The following GRHL2 variants were observed in gnomAD, a reference collection of about 807,000 sequenced individuals.
GRHL2 encodes the protein grainyhead like transcription factor 2.
In GRHL2, 21 loss-of-function variants were observed where a neutral mutation model predicts 83.8. That is an observed-to-expected ratio of 0.25 (90% CI 0.18 to 0.36). The LOEUF (loss-of-function observed/expected upper bound fraction) is 0.36. GRHL2 is among the 10% of genes least tolerant of loss of function. The pLI, the probability that GRHL2 is intolerant of heterozygous loss-of-function variation, is 1.00. For missense variants in GRHL2, 623 were observed against 781.8 expected (o/e 0.80, Z 2.42); for synonymous variants, 280 against 278.9 (o/e 1.00, Z -0.04).
intron 7 of GRHL2, among the ~76,000 whole-genome samples, chr8:101,588,142 G>A (rs1812205801): frequency 6.6e-6 from 1 of 152,172 alleles, no homozygotes; most frequent in Non-Finnish European, 1.5e-5. Context: ...TCTCGTCATT[G>A]TTTAACAATC....
At chr8:101,584,591 T>A (rs76606044) in intron 7 of GRHL2, among the ~76,000 whole-genome samples, 2,021 of 151,436 alleles carry the variant, frequency 0.013, 22 homozygotes, top group Non-Finnish European at 0.021. Flanking sequence ...TTTAAACTGT[T>A]AAAAAAAAAG....
At chr8:101,540,219 A>G (rs1232701368) in intron 1 of GRHL2, among the ~76,000 whole-genome samples, 1 of 152,180 alleles carries the variant, frequency 6.6e-6, no homozygotes, top group Non-Finnish European at 1.5e-5. Context: ...CTATTTTATC[A>G]ATTATTTTAT....
At chr8:101,677,203 A>AAAT in the GRHL2 span, among the ~76,000 whole-genome samples, 1,994 of 148,392 alleles carry the variant, frequency 0.013, 46 homozygotes, top group African/African-American at 0.043. Context: ...CCTAAAACTT[A>AAAT]AATAATAACA....
intron 15 of GRHL2, among the ~76,000 whole-genome samples, chr8:101,664,950 C>CA (rs886506402): frequency 4.6e-5 from 7 of 152,054 alleles, no homozygotes; most frequent in African/African-American, 1.7e-4. Flanking sequence ...AAAATGTTCT[C>CA]AAATGATCAT....
intron 9 of GRHL2, among the ~76,000 whole-genome samples, chr8:101,629,829 T>G (rs537476163): frequency 6.6e-6 from 1 of 152,218 alleles, no homozygotes; most frequent in South Asian, 2.1e-4. Context: ...AACACTTCAT[T>G]TTTTGAAAAT....
intron 14 of GRHL2, among the ~76,000 whole-genome samples, chr8:101,652,319 CGT>C (rs911880771): frequency 3.7e-5 from 4 of 108,092 alleles, no homozygotes; most frequent in South Asian, 3.2e-4. Context: ...AGTGTGTGTG[CGT>C]GTGTGTGTGG....
chr8:101,607,493 G>A (rs1812655338), intron 8 of GRHL2, among the ~76,000 whole-genome samples: 1 of 152,180 alleles, frequency 6.6e-6, no homozygotes, highest in Admixed American at 6.5e-5. Flanking sequence ...AGGATGATAT[G>A]GGGTTGATAG....
At chr8:101,661,601 C>A (rs1195650491) in intron 14 of GRHL2, among the ~76,000 whole-genome samples, 1 of 151,994 alleles carries the variant, frequency 6.6e-6, no homozygotes, top group Non-Finnish European at 1.5e-5. Flanking sequence ...TACTTTTTGC[C>A]ATTGTACTTT....
At chr8:101,666,121 A>G (rs1814049921) in intron 15 of GRHL2, among the ~76,000 whole-genome samples, 1 of 152,204 alleles carries the variant, frequency 6.6e-6, no homozygotes, top group Non-Finnish European at 1.5e-5. Flanking sequence ...ACTAAACACA[A>G]GGTCATATTA....
At chr8:101,559,226 C>A (rs1390880041) in intron 4 of GRHL2, among the ~76,000 whole-genome samples, 2 of 151,752 alleles carry the variant, frequency 1.3e-5, no homozygotes, top group Non-Finnish European at 2.9e-5. Context: ...AACAATATAA[C>A]TTTGGCTGGA....
intron 2 of GRHL2, among the ~76,000 whole-genome samples, chr8:101,546,575 A>G (rs1382310833): frequency 6.6e-6 from 1 of 151,984 alleles, no homozygotes; most frequent in East Asian, 1.9e-4. Flanking sequence ...CAACCGGCTA[A>G]TTTTTGTATA....
rs932643443 is a variant in GRHL2, at chr8:101,644,078, G to A, written c.1518-53G>A. On this transcript the variant is annotated intron_variant, in intron 12 of 15. Transcript: ENST00000646743. Reference sequence around the variant, plus strand: ...CAGAAACGGACACACATGTGAACGTGTGTTTTGACACCTTGCTGGTTTTAC... The same window carrying A: ...CAGAAACGGACACACATGTGAACGTATGTTTTGACACCTTGCTGGTTTTAC... 9 of 1,471,350 alleles carry A rather than the reference G, an allele frequency of 6.1e-6. No homozygotes were observed. In the African/African-American group the frequency reaches 1.1e-4, roughly 18 times the overall value. 91.1% of individuals were successfully genotyped at this position (1,471,350 alleles called of 1,614,324 possible). A position where few individuals can be genotyped will look rare whatever the true frequency, so the allele number is the denominator to read the frequency against.
intron 8 of GRHL2, among the ~76,000 whole-genome samples, chr8:101,617,493 A>T (rs865952138): frequency 6.6e-6 from 1 of 152,188 alleles, no homozygotes; most frequent in Non-Finnish European, 1.5e-5. Context: ...TCAAAAATTC[A>T]AAAGGCTTTT....
intron 1 of GRHL2, among the ~76,000 whole-genome samples, chr8:101,532,308 C>A (rs1249866737): frequency 6.6e-6 from 1 of 152,116 alleles, no homozygotes; most frequent in African/African-American, 2.4e-5. Flanking sequence ...CATTTTGAAC[C>A]TTTGCTCTTT....
chr8:101,604,019 C>CCAA (rs1391152533), intron 8 of GRHL2, among the ~76,000 whole-genome samples: 1 of 91,798 alleles, frequency 1.1e-5, no homozygotes, highest in Non-Finnish European at 2.2e-5. Context: ...TTTTTTTTTG[C>CCAA]AAAAAAAAAA....
At chr8:101,665,554 G>A (rs982718018) in intron 15 of GRHL2, among the ~76,000 whole-genome samples, 1 of 152,140 alleles carries the variant, frequency 6.6e-6, no homozygotes, top group Non-Finnish European at 1.5e-5. Flanking sequence ...AGTAGGCTGG[G>A]TGTATTACTG....
intron 1 of GRHL2, 192 bp downstream of exon 1, chr8:101,492,981 G>C: frequency 3.1e-6 from 2 of 642,640 alleles, no homozygotes; most frequent in Non-Finnish European, 2.8e-6. Flanking sequence ...CTACAACAAT[G>C]TGAATATTTA....
chr8:101,641,887 A>G (rs1048654700), intron 12 of GRHL2, among the ~76,000 whole-genome samples: 3 of 152,182 alleles, frequency 2.0e-5, no homozygotes, highest in Non-Finnish European at 4.4e-5. Flanking sequence ...CCTCCCTTAA[A>G]TCATCTCTAG....
chr8:101,674,896 G>T, the GRHL2 span, among the ~76,000 whole-genome samples: 22 of 152,060 alleles, frequency 1.4e-4, 1 homozygote, highest in Admixed American at 1.0e-3. Context: ...ATGCAAGGCT[G>T]GTTCAACACA....
Sources: gnomAD v4.1 joint callset for allele counts (sites outside exome capture counted in the v4.1 genomes callset) on GRCh38, gnomAD v4.1.1 for gene constraint, MANE v1.5 for transcripts, NCBI Gene and HGNC (gene_info 2026-07-23, HGNC 2026-07-21) for gene names.